IGHMBP2: variants seen among roughly 807,000 people sequenced by gnomAD.
IGHMBP2 encodes DNA-binding protein SMUBP-2.
Under a neutral mutation model 96.0 loss-of-function variants are expected in IGHMBP2, and 81 were observed. That is an observed-to-expected ratio of 0.84 (90% confidence interval 0.71 to 1.01). The LOEUF (loss-of-function observed/expected upper bound fraction) is 1.01. Ranked by LOEUF, IGHMBP2 falls within the 50% of genes least tolerant of loss-of-function variation. The probability of loss-of-function intolerance (pLI) is 0.00; values close to 1 mark genes in which losing one functional copy is unlikely to be tolerated. For missense variants in IGHMBP2, 1,227 were observed against 1,306.3 expected (o/e 0.94, Z 0.94); for synonymous variants, 557 against 548.9 (o/e 1.01, Z -0.21).
At chr11:68,918,516 C>A (rs1223528327) in intron 7 of IGHMBP2, among the ~76,000 whole-genome samples, 1 of 151,956 alleles carries the variant, frequency 6.6e-6, no homozygotes, top group Non-Finnish European at 1.5e-5. Context: ...GTGGTATGCA[C>A]CTGTAATTCC....
At chr11:68,912,898 C>T (rs575614824) in intron 5 of IGHMBP2, among the ~76,000 whole-genome samples, 7 of 151,860 alleles carry the variant, frequency 4.6e-5, no homozygotes, top group African/African-American at 9.7e-5. Context: ...AACAATTAGC[C>T]GGGTGTGGTG....
At chr11:68,917,379 A>G (rs180769227) in intron 6 of IGHMBP2, among the ~76,000 whole-genome samples, 1 of 152,324 alleles carries the variant, frequency 6.6e-6, no homozygotes, top group African/African-American at 2.4e-5. Context: ...TGTGAAGCTC[A>G]GTCTCTCTAT....
chr11:68,913,056 A>AAAAAAAC (rs1858502758), intron 5 of IGHMBP2, among the ~76,000 whole-genome samples: 1 of 150,376 alleles, frequency 6.6e-6, no homozygotes, highest in Non-Finnish European at 1.5e-5. Context: ...AAAAAAAAAA[A>AAAAAAAC]AAAAAAAAAA....
chr11:68,911,825 GC>G (rs1037870205), intron 5 of IGHMBP2, among the ~76,000 whole-genome samples: 2 of 152,236 alleles, frequency 1.3e-5, no homozygotes, highest in Admixed American at 6.5e-5. Context: ...GTTGAGGAAG[GC>G]TCCTGGAGCC....
rs756733490 is a variant in IGHMBP2 at position 68,929,307 on chromosome 11, C to T, written c.1185C>T (p.Cys395=). The T allele has an allele frequency of 1.6e-5, 26 of 1,613,612 alleles. No individual in the cohort carries two copies. The highest frequency in any genetic ancestry group is 2.2e-5 in the Non-Finnish European group (26 of 1,180,022). Residue 395 remains cysteine, a synonymous_variant, in exon 8 of 15, where the codon TGC becomes TGT. Coordinates refer to ENST00000255078, the MANE Select transcript of IGHMBP2 (RefSeq NM_002180.3). The part of the protein sequence containing the change: ...CWIPLLKARK[C]ILAGDHKQLP... ...TCCCCCTGCTGAAGGCCAGAAAGTG[C>T]ATCCTGGCGGGCGATCACAAGCAGC...
Position 68,911,431 on chromosome 11 carries a change from C to T in IGHMBP2, c.548-9C>T. The T allele has an allele frequency of 6.2e-7, 1 of 1,613,424 alleles. No individual in the cohort carries two copies. The highest frequency in any genetic ancestry group is 8.5e-7 in the Non-Finnish European group (1 of 1,179,898). On this transcript the variant is annotated splice_polypyrimidine_tract_variant and intron_variant, in intron 4 of 14. Coordinates refer to ENST00000255078, the MANE Select transcript of IGHMBP2 (RefSeq NM_002180.3). ...GCACCTGAGCCTCACGCTGCTGCTT[C>T]TTCCACAGACCCGCTGACATTCTTC...
In IGHMBP2 at chr11:68,904,001, C is replaced by T; in HGVS notation, c.49C>T (p.Leu17=). 1.3e-6 allele frequency: 2 copies of T among 1,551,026 alleles called. No homozygotes were observed. Among genetic ancestry groups the T allele is most frequent in the South Asian group, 2.4e-5 (2 of 84,372 alleles). The change falls in exon 1 of 15, where the codon CTG becomes TTG. Residue 17 remains leucine, a synonymous_variant. Coordinates refer to ENST00000255078, the MANE Select transcript of IGHMBP2 (RefSeq NM_002180.3). ...CTTCGTGACCAAGCAACTGGACCTG[C>T]TGGAGCTTGAGAGAGACGCGGAGGT... is the stretch of plus-strand genomic sequence containing the variant. ...ESFVTKQLDL[L]ELERDAEVEE... is the part of the protein sequence containing the mutation.
intron 5 of IGHMBP2, 22 bp downstream of exon 5, chr11:68,911,625 C>T: frequency 6.2e-7 from 1 of 1,612,360 alleles, no homozygotes; most frequent in Non-Finnish European, 8.5e-7. Flanking sequence ...ATGCCACTTC[C>T]CTGTCAGAGC....
At chr11:68,932,890 A>C in intron 8 of IGHMBP2, 2 of 231,704 alleles carry the variant, frequency 8.6e-6, no homozygotes, top group Non-Finnish European at 8.7e-6. Flanking sequence ...CCTAGAGGCC[A>C]CTGCTTGACT....
intron 7 of IGHMBP2, among the ~76,000 whole-genome samples, chr11:68,921,486 T>C (rs1594436058): frequency 6.6e-6 from 1 of 152,350 alleles, no homozygotes; most frequent in Non-Finnish European, 1.5e-5. Flanking sequence ...TGTCTTCAAC[T>C]CATCATAGTC....
intron 7 of IGHMBP2, among the ~76,000 whole-genome samples, chr11:68,923,801 A>AG: frequency 6.6e-6 from 1 of 152,262 alleles, no homozygotes; most frequent in East Asian, 1.9e-4. Flanking sequence ...TTTTCTCCTA[A>AG]GCATGTGCTA....
intron 8 of IGHMBP2, 152 bp downstream of exon 8, chr11:68,929,509 A>G: frequency 1.3e-6 from 1 of 791,284 alleles, no homozygotes; most frequent in Non-Finnish European, 2.0e-6. Flanking sequence ...GCATTCATTC[A>G]TCTCAACGTC....
At chr11:68,929,718 G>T (rs1054505672) in intron 8 of IGHMBP2, 1 of 985,162 alleles carries the variant, frequency 1.0e-6, no homozygotes, top group African/African-American at 1.7e-5. Context: ...CCTCTGGGTG[G>T]ATGTGGGTTC....
At chr11:68,939,144 G>A (rs1859657298) in intron 14 of IGHMBP2, among the ~76,000 whole-genome samples, 1 of 152,160 alleles carries the variant, frequency 6.6e-6, no homozygotes, top group East Asian at 1.9e-4. Flanking sequence ...GGCATGTCCT[G>A]GCGAGCTGCC....
intron 3 of IGHMBP2, 67 bp from the exon 4 acceptor site, chr11:68,908,467 C>T: frequency 6.8e-7 from 1 of 1,466,994 alleles, no homozygotes; most frequent in Non-Finnish European, 9.5e-7. Flanking sequence ...GAGTTGGTGG[C>T]AGCATTGGGG....
Position 68,903,901 on chromosome 11 carries a change from C to T in IGHMBP2, c.-52C>T. The stretch of plus-strand genomic sequence containing the variant: ...GAACACCGGTCCGCTGTAACACCGG[C>T]CCGGCGCAGAAGCGGGACGTCGGCT... On this transcript the variant is annotated 5_prime_UTR_variant, in exon 1 of 15. Transcript: ENST00000255078. The T allele has an allele frequency of 6.2e-7, 1 of 1,605,582 alleles. No individual in the cohort carries two copies. The highest frequency in any genetic ancestry group is 8.5e-7 in the Non-Finnish European group (1 of 1,174,930).
intron 8 of IGHMBP2, among the ~76,000 whole-genome samples, 187 bp downstream of exon 8, chr11:68,929,544 C>T (rs1484013967): frequency 1.3e-5 from 2 of 152,194 alleles, no homozygotes; most frequent in African/African-American, 2.4e-5. Flanking sequence ...ATGTACTCCC[C>T]GAGGGTGGGG....
In IGHMBP2 at chr11:68,908,623, G is replaced by A. The variant is rs748709340; in HGVS notation, c.539G>A (p.Ser180Asn). The A allele has an allele frequency of 6.2e-7, 1 of 1,608,230 alleles. No individual in the cohort carries two copies. The highest frequency in any genetic ancestry group is 1.1e-5 in the South Asian group (1 of 90,952). ...GGCAGATCTGCTCCCAGTCCTGCCA[G>A]TGAAATACGTAAGAACTTCTGAGTT... Reference protein sequence around the residue: ...LFGRSAPSPASEIHPLTFFNT... With the variant: ...LFGRSAPSPANEIHPLTFFNT... Residue 180 changes from serine to asparagine, a missense_variant, in exon 4 of 15, where the codon AGT becomes AAT. Around this residue, in one of 3 missense-constraint regions of IGHMBP2, gnomAD observed 507 missense variants for 496.9 expected, o/e 1.02. Transcript: ENST00000255078.
At chr11:68,933,744 C>T (rs1426381428) in intron 9 of IGHMBP2, 51 bp from the exon 10 acceptor site, 3 of 1,429,020 alleles carry the variant, frequency 2.1e-6, no homozygotes, top group East Asian at 4.6e-5. Flanking sequence ...GGTGGGGCCT[C>T]AGTGCTGCAC....
Sources: gnomAD v4.1 joint callset for allele counts (sites outside exome capture counted in the v4.1 genomes callset) on GRCh38, gnomAD v4.1.1 for gene constraint, gnomAD v4.1.1 regional missense constraint, MANE v1.5 for transcripts, NCBI Gene and HGNC (gene_info 2026-07-23, HGNC 2026-07-21) for gene names.